LDLRAD4: variants seen among roughly 807,000 people sequenced by gnomAD.
LDLRAD4 encodes the protein low density lipoprotein receptor class A domain containing 4.
LDLRAD4 carries 5 observed loss-of-function variants against 17.0 expected under a neutral mutation model. The ratio of observed to expected loss-of-function variants is 0.29; its 90% CI spans 0.15 to 0.62. LDLRAD4 has a LOEUF of 0.62. LDLRAD4 is among the 20% of genes least tolerant of loss of function. The pLI is 0.84. For missense variants in LDLRAD4, 340 were observed against 424.7 expected, an observed-to-expected ratio of 0.80 and a Z score of 1.75; for synonymous variants, 168 against 171.8, an observed-to-expected ratio of 0.98 and a Z score of 0.17.
intron 3 of LDLRAD4, among the ~76,000 whole-genome samples, chr18:13,510,074 C>G (rs2093753550): frequency 6.6e-6 from 1 of 152,226 alleles, no homozygotes; most frequent in African/African-American, 2.4e-5. Context: ...GCAATATTCA[C>G]TTTATTTTGG....
At chr18:13,236,687 C>T (rs1038407821) in intron 1 of LDLRAD4, among the ~76,000 whole-genome samples, 2 of 152,086 alleles carry the variant, frequency 1.3e-5, no homozygotes, top group African/African-American at 4.8e-5. Flanking sequence ...GTGTGGGGCT[C>T]GGTCCGTGTT....
At chr18:13,324,033 C>T (rs2143460792) in intron 1 of LDLRAD4, among the ~76,000 whole-genome samples, 1 of 152,076 alleles carries the variant, frequency 6.6e-6, no homozygotes, top group African/African-American at 2.4e-5. Context: ...CCGCTGCACT[C>T]CATCCTGGGC....
At chr18:13,559,924 C>T (rs556501908) in intron 3 of LDLRAD4, among the ~76,000 whole-genome samples, 1 of 152,224 alleles carries the variant, frequency 6.6e-6, no homozygotes, top group South Asian at 2.1e-4. Context: ...CCAAGAAGTG[C>T]CTATCTTCAA....
chr18:13,336,664 C>CT (rs1179383821), intron 1 of LDLRAD4, among the ~76,000 whole-genome samples: 1 of 152,004 alleles, frequency 6.6e-6, no homozygotes, highest in Non-Finnish European at 1.5e-5. Context: ...ATTTCTGTGA[C>CT]TTTTTTCCCC....
intron 3 of LDLRAD4, among the ~76,000 whole-genome samples, chr18:13,586,398 C>A (rs2094933680): frequency 4.6e-4 from 1 of 2,188 alleles, no homozygotes; most frequent in African/African-American, 2.1e-3. Flanking sequence ...CAGAGCAAGA[C>A]TCTGTCTCAA....
At chr18:13,512,780 C>T (rs1365825523) in intron 3 of LDLRAD4, among the ~76,000 whole-genome samples, 2 of 152,136 alleles carry the variant, frequency 1.3e-5, no homozygotes, top group Non-Finnish European at 2.9e-5. Context: ...AACTAGGTTC[C>T]GATACTGTCC....
chr18:13,642,202 C>A, intron 4 of LDLRAD4: 12 of 985,756 alleles, frequency 1.2e-5, no homozygotes, highest in Non-Finnish European at 1.4e-5. Flanking sequence ...ACGCGGGGCT[C>A]GGTGTTTCTT....
intron 1 of LDLRAD4, among the ~76,000 whole-genome samples, chr18:13,316,413 G>A (rs2090748454): frequency 6.6e-6 from 1 of 152,210 alleles, no homozygotes; most frequent in South Asian, 2.1e-4. Flanking sequence ...AACGGAATCA[G>A]ACAGAACTTG....
intron 1 of LDLRAD4, among the ~76,000 whole-genome samples, chr18:13,257,983 G>A (rs906848107): frequency 2.0e-5 from 3 of 152,144 alleles, no homozygotes; most frequent in African/African-American, 4.8e-5. Flanking sequence ...CGCTTGAGCC[G>A]AGGAATTGGA....
intron 1 of LDLRAD4, among the ~76,000 whole-genome samples, chr18:13,380,648 T>A (rs1410112417): frequency 6.6e-6 from 1 of 152,260 alleles, no homozygotes; most frequent in African/African-American, 2.4e-5. Flanking sequence ...GAATATAGCC[T>A]CAGGATTTAT....
chr18:13,628,489 C>T (rs967924652), intron 4 of LDLRAD4, among the ~76,000 whole-genome samples: 5 of 152,240 alleles, frequency 3.3e-5, no homozygotes, highest in African/African-American at 7.2e-5. Flanking sequence ...TTGGCCGCAG[C>T]ATGTCTGTCT....
intron 1 of LDLRAD4, among the ~76,000 whole-genome samples, chr18:13,368,998 C>T (rs532646392): frequency 6.6e-6 from 1 of 152,304 alleles, no homozygotes; most frequent in South Asian, 2.1e-4. Context: ...GCCACCGTGC[C>T]AGGCCAAGCC....
At chr18:13,575,756 T>C (rs1490594980) in intron 3 of LDLRAD4, among the ~76,000 whole-genome samples, 1 of 152,244 alleles carries the variant, frequency 6.6e-6, no homozygotes, top group Non-Finnish European at 1.5e-5. Flanking sequence ...ATTTTTGGAT[T>C]AAGGCCATTC....
At chr18:13,628,324 T>C (rs2041355512) in intron 4 of LDLRAD4, among the ~76,000 whole-genome samples, 1 of 152,170 alleles carries the variant, frequency 6.6e-6, no homozygotes, top group Non-Finnish European at 1.5e-5. Context: ...CTGGCATCAT[T>C]GTGGGGATGA....
intron 1 of LDLRAD4, among the ~76,000 whole-genome samples, chr18:13,314,576 G>A (rs1331333302): frequency 6.6e-6 from 1 of 152,236 alleles, no homozygotes; most frequent in Non-Finnish European, 1.5e-5. Context: ...AAGCTCATGG[G>A]CTGAACGCAG....
In LDLRAD4 at chr18:13,599,267, G is replaced by A. The variant is rs1396932887; in HGVS notation, c.182-21850G>A. Among the ~76,000 whole-genome samples, 7 of 152,110 alleles carry A rather than the reference G, an allele frequency of 4.6e-5. 1 individual carries two copies. The highest frequency in any genetic ancestry group is 4.6e-4 in the Admixed American group (7 of 15,280). On this transcript the variant is annotated intron_variant, in intron 3 of 5. Coordinates refer to ENST00000359446, the Ensembl canonical transcript of LDLRAD4. The stretch of plus-strand genomic sequence containing the variant: ...GGAAGGGAGAGGGAAGGAGTGGGTT[G>A]TGGCTCAAGTGCCACAGACTGTCAC...
chr18:13,267,737 G>A (rs556704027), intron 1 of LDLRAD4, among the ~76,000 whole-genome samples: 15 of 152,318 alleles, frequency 9.8e-5, no homozygotes, highest in African/African-American at 3.6e-4. Flanking sequence ...TGGCTGATTG[G>A]AAATCACGCA....
intron 1 of LDLRAD4, among the ~76,000 whole-genome samples, chr18:13,351,536 G>T (rs1031179090): frequency 6.6e-6 from 1 of 152,106 alleles, no homozygotes; most frequent in Non-Finnish European, 1.5e-5. Flanking sequence ...GGACTGAGAT[G>T]ATGAGGTTTT....
chr18:13,401,438 T>C (rs2087185659), intron 2 of LDLRAD4, among the ~76,000 whole-genome samples: 1 of 151,978 alleles, frequency 6.6e-6, no homozygotes. Flanking sequence ...GCTTTATATT[T>C]AGGGTTACTG....
Sources: gnomAD v4.1 joint callset for allele counts (sites outside exome capture counted in the v4.1 genomes callset) on GRCh38, gnomAD v4.1.1 for gene constraint, MANE v1.5 for transcripts, NCBI Gene and HGNC (gene_info 2026-07-23, HGNC 2026-07-21) for gene names.